GKAP1: variants seen among roughly 807,000 people sequenced by gnomAD.
GKAP1 encodes G kinase-anchoring protein 1.
A neutral mutation model predicts 56.7 loss-of-function variants in GKAP1; 31 were observed. That is an observed-to-expected ratio of 0.55 (90% CI 0.41 to 0.74). The LOEUF (loss-of-function observed/expected upper bound fraction) is 0.74. Ranked by LOEUF, GKAP1 falls within the 30% of genes least tolerant of loss-of-function variation. GKAP1 has a pLI of 0.00. For synonymous variants in GKAP1, 151 were observed against 138.6 expected (o/e 1.09, Z -0.63); for missense variants, 364 against 402.3 (o/e 0.90, Z 0.82).
chr9:83,777,609 T>C (rs529446415), intron 7 of GKAP1, among the ~76,000 whole-genome samples: 2 of 152,208 alleles, frequency 1.3e-5, no homozygotes, highest in South Asian at 2.1e-4. Flanking sequence ...AAGTAAAATA[T>C]TTTCCCTTCT....
chr9:83,762,769 G>T (rs1943595629), intron 8 of GKAP1, among the ~76,000 whole-genome samples: 1 of 152,128 alleles, frequency 6.6e-6, no homozygotes, highest in Non-Finnish European at 1.5e-5. Flanking sequence ...ACTCACTTTT[G>T]GCAAAGGTGT....
At chr9:83,783,462 A>G (rs890565908) in intron 6 of GKAP1, among the ~76,000 whole-genome samples, 2 of 152,252 alleles carry the variant, frequency 1.3e-5, no homozygotes, top group African/African-American at 4.8e-5. Flanking sequence ...CATGAATAGT[A>G]GCTACCATAC....
Position 83,779,612 on chromosome 9 carries a change from TACACAC to T in GKAP1, c.585+764_585+769del, listed in dbSNP as rs10546262. On this transcript the variant is annotated intron_variant, in intron 7 of 12. Transcript: ENST00000376371. ...GTATATGTGTATATATATACACATATACACACACACACACACACACACACACACATT... is the reference window on the plus strand; with the variant it reads ...GTATATGTGTATATATATACACATATACACACACACACACACACACACATT... 7.5e-3 allele frequency among the ~76,000 whole-genome samples: 951 copies of T among 127,362 alleles called. 21 individuals are homozygous for T. The highest frequency in any genetic ancestry group is 0.023 in the African/African-American group (770 of 33,792). The allele number at this position is 127,362 out of a possible 152,430, so 83.6% of individuals were successfully genotyped here. A position where few individuals can be genotyped will look rare whatever the true frequency, so the allele number is the denominator to read the frequency against.
chr9:83,769,043 C>G, intron 7 of GKAP1, 73 bp from the exon 8 acceptor site: 1 of 1,170,632 alleles, frequency 8.5e-7, no homozygotes, highest in Non-Finnish European at 1.2e-6. Context: ...TAGTCAACCA[C>G]AAGAAGGGAT....
chr9:83,758,578 T>TA (rs1943514998), intron 8 of GKAP1, among the ~76,000 whole-genome samples: 2 of 151,414 alleles, frequency 1.3e-5, no homozygotes, highest in African/African-American at 4.9e-5. Context: ...ACTAAATAAA[T>TA]AAAAAAATAA....
At chr9:83,795,584 G>C (rs1944231722) in intron 4 of GKAP1, among the ~76,000 whole-genome samples, 1 of 103,916 alleles carries the variant, frequency 9.6e-6, no homozygotes, top group Non-Finnish European at 2.0e-5. Context: ...ATGTCTGAGA[G>C]TGTCTTTTTT....
rs1256035447 is a variant in GKAP1 at position 83,774,701 on chromosome 9, CCTTTTTTTT to C, written c.585+5672_585+5680del. Among the ~76,000 whole-genome samples the C allele has an allele frequency of 8.9e-5, 9 of 100,972 alleles. No homozygotes were observed. The East Asian group carries it at 1.9e-3, about 22-fold the overall frequency. 66.2% of individuals were successfully genotyped at this position (100,972 alleles called of 152,430 possible). A position where few individuals can be genotyped will look rare whatever the true frequency, so the allele number is the denominator to read the frequency against. The stretch of plus-strand genomic sequence containing the variant: ...AGAAACTATCAATAAACAGAAACCC[CCTTTTTTTT>C]TTTTTTTTTTTTTTTTTTGAGACAG... On this transcript the variant is annotated intron_variant, in intron 7 of 12. Transcript: ENST00000376371.
chr9:83,816,784 G>A (rs574884954), intron 2 of GKAP1, among the ~76,000 whole-genome samples: 1 of 152,156 alleles, frequency 6.6e-6, no homozygotes, highest in Non-Finnish European at 1.5e-5. Context: ...CGAAGGTAAA[G>A]AGTGAAAAAG....
intron 2 of GKAP1, among the ~76,000 whole-genome samples, chr9:83,808,556 G>A (rs141792494): frequency 8.2e-4 from 125 of 152,148 alleles, no homozygotes; most frequent in Non-Finnish European, 1.6e-3. Context: ...GAGGTTGCAC[G>A]ACTGACTCCA....
chr9:83,769,020 C>A, intron 7 of GKAP1, 50 bp from the exon 8 acceptor site: 6 of 1,389,278 alleles, frequency 4.3e-6, no homozygotes, highest in Admixed American at 1.8e-5. Flanking sequence ...CACTGATATG[C>A]ATTTAATACA....
intron 4 of GKAP1, among the ~76,000 whole-genome samples, chr9:83,790,545 G>C (rs146779466): frequency 1.3e-5 from 2 of 152,282 alleles, no homozygotes; most frequent in Admixed American, 6.5e-5. Context: ...CACTTTAGGA[G>C]GACGAGGTGG....
At chr9:83,788,558 A>G (rs753085482) in intron 5 of GKAP1, 43 bp downstream of exon 5, 1 of 1,156,540 alleles carries the variant, frequency 8.6e-7, no homozygotes, top group Non-Finnish European at 1.2e-6. Flanking sequence ...ACCTCTCACC[A>G]CTTAAACTTC....
At position 83,806,427 on chromosome 9, in the gene GKAP1, G is replaced by C; in HGVS notation, c.91C>G (p.Pro31Ala). 2 of 1,613,020 alleles carry C rather than the reference G, an allele frequency of 1.2e-6. No individual in the cohort carries two copies. Among genetic ancestry groups the C allele is most frequent in the Non-Finnish European group, 1.7e-6 (2 of 1,179,482 alleles). The change falls in exon 3 of 13, where the codon CCT (proline) becomes GCT (alanine). Residue 31 changes from proline (P) to alanine (A), a missense_variant. Physicochemically the swap from Pro to Ala is conservative, Grantham distance 27. Coordinates refer to ENST00000376371, the MANE Select transcript of GKAP1 (RefSeq NM_025211.4). ...VDSGSGSDSE[P>A]GKGKGRNTGK... ...GTATTTCGACCTTTACCTTTTCCAG[G>C]TTCAGAATCAGAGCCACTGCCACTA...
chr9:83,801,859 G>C (rs998681358), intron 3 of GKAP1, among the ~76,000 whole-genome samples: 2 of 152,150 alleles, frequency 1.3e-5, no homozygotes, highest in African/African-American at 4.8e-5. Context: ...AGTGAGGAAA[G>C]TATCTTTCCT....
At chr9:83,744,753 G>C (rs532447331) in intron 10 of GKAP1, among the ~76,000 whole-genome samples, 1 of 152,190 alleles carries the variant, frequency 6.6e-6, no homozygotes, top group East Asian at 1.9e-4. Flanking sequence ...CCTGAGAATG[G>C]GTAATTTATA....
chr9:83,788,702 A>C lies in GKAP1; in HGVS notation c.361-24T>G, dbSNP rs755717103. ...AGCTACAAAAAAAAAGTTTCACAAT[A>C]AACAGACAGTATCATTACATCACAT... On this transcript the variant is annotated intron_variant, in intron 4 of 12. Coordinates refer to ENST00000376371, the MANE Select transcript of GKAP1 (RefSeq NM_025211.4). 18 of 1,484,150 alleles carry C rather than the reference A, an allele frequency of 1.2e-5. No homozygotes were observed. The African/African-American group carries it at 1.9e-4, about 16-fold the overall frequency. The allele number at this position is 1,484,150 out of a possible 1,614,324, so 91.9% of individuals were successfully genotyped here.
chr9:83,772,045 TA>T (rs1943772324), intron 7 of GKAP1, among the ~76,000 whole-genome samples: 1 of 151,838 alleles, frequency 6.6e-6, no homozygotes, highest in Admixed American at 6.6e-5. Flanking sequence ...TAACAAACTA[TA>T]GGGGGGAGAA....
At chr9:83,791,864 G>A (rs1944165215) in intron 4 of GKAP1, among the ~76,000 whole-genome samples, 2 of 152,058 alleles carry the variant, frequency 1.3e-5, no homozygotes, top group Admixed American at 1.3e-4. Flanking sequence ...CTTTTAAGTT[G>A]GTATTTAAAT....
Position 83,788,539 on chromosome 9 carries a change from T to C in GKAP1, c.438+62A>G, listed in dbSNP as rs541893364. On this transcript the variant is annotated intron_variant, in intron 5 of 12. Coordinates refer to ENST00000376371, the MANE Select transcript of GKAP1 (RefSeq NM_025211.4). ...AAATTTTATGTAAAATTCAAGTAGG[T>C]TGATTTTAACCTCTCACCACTTAAA... 4.4e-6 allele frequency: 4 copies of C among 916,898 alleles called. No homozygotes were observed. In the Admixed American group the frequency reaches 9.9e-5, roughly 23 times the overall value. 56.8% of individuals were successfully genotyped at this position (916,898 alleles called of 1,614,324 possible).
Sources: gnomAD v4.1 joint callset for allele counts (sites outside exome capture counted in the v4.1 genomes callset) on GRCh38, gnomAD v4.1.1 for gene constraint, MANE v1.5 for transcripts, NCBI Gene and HGNC (gene_info 2026-07-23, HGNC 2026-07-21) for gene names.